OSBP2: variants seen among roughly 807,000 people sequenced by gnomAD.
OSBP2 encodes oxysterol-binding protein 2.
A neutral mutation model predicts 96.0 loss-of-function variants in OSBP2; 66 were observed. The observed-to-expected ratio is 0.69, with a 90% CI of 0.56 to 0.84. OSBP2 has a LOEUF of 0.84. OSBP2 is among the 40% of genes least tolerant of loss of function. The probability of loss-of-function intolerance (pLI) is 0.00; values close to 1 mark genes in which losing one functional copy is unlikely to be tolerated. For missense variants in OSBP2, 1,038 were observed against 1,222.7 expected (o/e 0.85, Z 2.25); for synonymous variants, 525 against 520.9 (o/e 1.01, Z -0.11).
In OSBP2 at chr22:30,888,231, T is replaced by C. The variant is rs2039860363; in HGVS notation, c.1309T>C (p.Leu437=). Residue 437 remains leucine, a synonymous_variant, in exon 5 of 14, where the codon TTG becomes CTG. Transcript: ENST00000332585. ...TCTGTCTGTGTCTCTAGGAAGCCTC[T>C]TGACTCCCAAAGGAGAGGACAGTGA... The part of the protein sequence containing the change: ...PSKSFIEGSL[L]TPKGEDSEED... The C allele has an allele frequency of 6.2e-7, 1 of 1,607,080 alleles. No homozygotes were observed. Among genetic ancestry groups the C allele is most frequent in the Admixed American group, 1.7e-5 (1 of 59,966 alleles).
Position 30,898,887 on chromosome 22 carries a change from TAAA to T in OSBP2, c.2375+4888_2375+4890del, listed in dbSNP as rs984135485. Among the ~76,000 whole-genome samples, 128 of 141,220 alleles carry T rather than the reference TAAA, an allele frequency of 9.1e-4. 1 individual carries two copies. Among genetic ancestry groups the T allele is most frequent in the African/African-American group, 3.2e-3 (121 of 37,412 alleles). 92.6% of individuals were successfully genotyped at this position (141,220 alleles called of 152,430 possible). On this transcript the variant is annotated intron_variant, in intron 12 of 13. Coordinates refer to ENST00000332585, the MANE Select transcript of OSBP2 (RefSeq NM_030758.4). Reference sequence around the variant, plus strand: ...TTAATAATAATAATAATAATAATAATAAAAGCAGAAATCAATTAAAAAAACAAA... The same window carrying T: ...TTAATAATAATAATAATAATAATAATAGCAGAAATCAATTAAAAAAACAAA...
At chr22:30,895,872 AGGTT>A (rs1257465718) in intron 12 of OSBP2, among the ~76,000 whole-genome samples, 1 of 149,134 alleles carries the variant, frequency 6.7e-6, no homozygotes, top group African/African-American at 2.5e-5. Context: ...TGGGAGGCAG[AGGTT>A]GCAGTGAGCC....
chr22:30,761,781 G>A (rs2090207165), intron 2 of OSBP2, among the ~76,000 whole-genome samples: 1 of 152,144 alleles, frequency 6.6e-6, no homozygotes, highest in Non-Finnish European at 1.5e-5. Context: ...CCAGAAATGG[G>A]CCCAGACAAA....
intron 12 of OSBP2, among the ~76,000 whole-genome samples, chr22:30,899,415 A>AAAT (rs2040146515): frequency 6.6e-6 from 1 of 151,774 alleles, no homozygotes; most frequent in African/African-American, 2.4e-5. Flanking sequence ...AAAAAAAAAA[A>AAAT]AAAGAAAAAG....
At chr22:30,840,115 C>T (rs1398554003) in intron 2 of OSBP2, among the ~76,000 whole-genome samples, 7 of 137,448 alleles carry the variant, frequency 5.1e-5, no homozygotes, top group African/African-American at 1.1e-4. Flanking sequence ...TGCTAGATGA[C>T]GAGTTAGTGG....
chr22:30,785,749 T>TC (rs2090579458), intron 2 of OSBP2, among the ~76,000 whole-genome samples: 1 of 152,040 alleles, frequency 6.6e-6, no homozygotes, highest in African/African-American at 2.4e-5. Context: ...GGGGCAGATT[T>TC]CCCCCCTGCT....
intron 1 of OSBP2, among the ~76,000 whole-genome samples, chr22:30,700,255 A>T (rs2089135301): frequency 6.6e-6 from 1 of 151,992 alleles, no homozygotes; most frequent in South Asian, 2.1e-4. Context: ...TGAGCCACCG[A>T]GCCTGGCCTA....
chr22:30,822,906 G>A (rs78740194), intron 2 of OSBP2, among the ~76,000 whole-genome samples: 5,673 of 152,300 alleles, frequency 0.037, 219 homozygotes, highest in African/African-American at 0.096. Flanking sequence ...CTTCACGCGC[G>A]GGGCATTTTG....
intron 3 of OSBP2, among the ~76,000 whole-genome samples, chr22:30,886,568 A>G (rs2039815627): frequency 6.6e-6 from 1 of 152,238 alleles, no homozygotes; most frequent in South Asian, 2.1e-4. Flanking sequence ...GTTTTCCCCC[A>G]CAAAGGACAG....
intron 2 of OSBP2, among the ~76,000 whole-genome samples, chr22:30,777,568 G>A (rs951855478): frequency 6.6e-6 from 1 of 152,168 alleles, no homozygotes; most frequent in African/African-American, 2.4e-5. Context: ...GTGTGAAAAT[G>A]GACTAATACA....
intron 2 of OSBP2, among the ~76,000 whole-genome samples, chr22:30,789,524 A>T (rs1306541139): frequency 6.6e-6 from 1 of 152,198 alleles, no homozygotes; most frequent in African/African-American, 2.4e-5. Context: ...CATTGACCCC[A>T]TAAACTCAGA....
chr22:30,761,961 T>G (rs2090208744), intron 2 of OSBP2, among the ~76,000 whole-genome samples: 1 of 152,180 alleles, frequency 6.6e-6, no homozygotes, highest in African/African-American at 2.4e-5. Flanking sequence ...CATACAACTA[T>G]AATACTCCCA....
intron 2 of OSBP2, among the ~76,000 whole-genome samples, chr22:30,868,999 A>G (rs889756750): frequency 7.2e-5 from 11 of 152,232 alleles, no homozygotes; most frequent in African/African-American, 2.7e-4. Flanking sequence ...ACCCCTTGGC[A>G]GTTACAGGCT....
At chr22:30,902,694 G>GC (rs2040241934) in intron 12 of OSBP2, 1 of 527,802 alleles carries the variant, frequency 1.9e-6, no homozygotes, top group South Asian at 1.8e-5. Flanking sequence ...ATGTTGTGAC[G>GC]CCCCTCAATG....
rs116759814 is a variant in OSBP2 at position 30,870,882 on chromosome 22, A to C, written c.1107+200A>C. Among the ~76,000 whole-genome samples, 14 of 152,166 alleles carry C rather than the reference A, an allele frequency of 9.2e-5. No homozygotes were observed. Among genetic ancestry groups the C allele is most frequent in the Admixed American group, 6.5e-4 (10 of 15,282 alleles). On this transcript the variant is annotated intron_variant, in intron 3 of 13. Coordinates refer to ENST00000332585, the MANE Select transcript of OSBP2 (RefSeq NM_030758.4). This position sits in a 1 kb window ranked among gnomAD's most constrained non-coding sequence, Gnocchi z 4.1. ...CACTCGGCCGTCGTTGGGCAAGGAC[A>C]TTCTTCCTAATTGTCTGGAGGAAAC...
At chr22:30,879,005 C>G (rs2039642413) in intron 3 of OSBP2, among the ~76,000 whole-genome samples, 2 of 152,206 alleles carry the variant, frequency 1.3e-5, no homozygotes, top group African/African-American at 4.8e-5. Flanking sequence ...GGAACAGAGA[C>G]AGCAACCTGG....
chr22:30,740,918 C>T (rs763263810), intron 1 of OSBP2, among the ~76,000 whole-genome samples: 45 of 152,338 alleles, frequency 3.0e-4, no homozygotes, highest in Middle Eastern at 3.4e-3. Flanking sequence ...TCCCTGCACA[C>T]GTGGCACCAA....
At chr22:30,892,426 CCTGT>C (rs1422827025) in intron 8 of OSBP2, among the ~76,000 whole-genome samples, 6 of 151,984 alleles carry the variant, frequency 3.9e-5, no homozygotes, top group Non-Finnish European at 8.8e-5. Context: ...CCCGGCTCTG[CCTGT>C]CTGAGGGGAG....
At chr22:30,787,888 A>C (rs1177736246) in intron 2 of OSBP2, among the ~76,000 whole-genome samples, 1 of 152,170 alleles carries the variant, frequency 6.6e-6, no homozygotes, top group African/African-American at 2.4e-5. Context: ...GGAGCAAGGC[A>C]GGACAGTGGC....
Sources: allele counts gnomAD v4.1 joint callset (sites outside exome capture counted in the v4.1 genomes callset), GRCh38; gene constraint gnomAD v4.1.1; non-coding constraint Gnocchi (gnomAD v3.1); transcripts MANE v1.5; gene names NCBI Gene and HGNC (gene_info 2026-07-23, HGNC 2026-07-21).